The following ERH variants were observed in gnomAD, a reference collection of about 807,000 sequenced individuals.
ERH encodes the protein ERH mRNA splicing and mitosis factor, also known as enhancer of rudimentary homolog.
A neutral mutation model predicts 16.8 loss-of-function variants in ERH; 1 was observed. The observed-to-expected ratio is 0.06, with a 90% CI of 0.02 to 0.28. The LOEUF is 0.28. Ranked by LOEUF, ERH falls within the 10% of genes least tolerant of loss-of-function variation. The pLI, the probability that ERH is intolerant of heterozygous loss-of-function variation, is 1.00. For synonymous variants in ERH, 43 were observed against 43.6 expected, an observed-to-expected ratio of 0.99 and a Z score of 0.05; for missense variants, 42 against 127.5, an observed-to-expected ratio of 0.33 and a Z score of 3.23.
chr14:69,398,265 C>T lies in ERH; in HGVS notation c.-32G>A, dbSNP rs770131928. ...AAACTCTCTTCGCTACAGCAGCTGCCGACACCGCCGCCGTTACACGAGCTT... is the reference window on the plus strand; with the variant it reads ...AAACTCTCTTCGCTACAGCAGCTGCTGACACCGCCGCCGTTACACGAGCTT... On this transcript the variant is annotated 5_prime_UTR_variant, in exon 1 of 4. Coordinates refer to ENST00000557016, the MANE Select transcript of ERH (RefSeq NM_004450.3). 6 of 1,612,786 alleles carry T rather than the reference C, an allele frequency of 3.7e-6. No homozygotes were observed. Among genetic ancestry groups the T allele is most frequent in the Admixed American group, 3.3e-5 (2 of 59,918 alleles).
chr14:69,387,502 T>A (rs2045899558), intron 2 of ERH, among the ~76,000 whole-genome samples: 1 of 152,104 alleles, frequency 6.6e-6, no homozygotes, highest in African/African-American at 2.4e-5. Context: ...CGTGATTGCA[T>A]CACTGCACTC....
chr14:69,394,252 C>G (rs1882283817), intron 2 of ERH, among the ~76,000 whole-genome samples: 1 of 151,764 alleles, frequency 6.6e-6, no homozygotes, highest in Non-Finnish European at 1.5e-5. Context: ...AAACAACAAG[C>G]AGCTCTGGAA....
chr14:69,387,115 T>C (rs1323162321), intron 2 of ERH, 32 bp from the exon 3 acceptor site: 1 of 1,590,674 alleles, frequency 6.3e-7, no homozygotes, highest in African/African-American at 1.3e-5. Flanking sequence ...AGCAAAATCT[T>C]ACAATCGCAT....
chr14:69,384,237 T>C (rs1359413856), intron 3 of ERH, among the ~76,000 whole-genome samples: 3 of 152,212 alleles, frequency 2.0e-5, no homozygotes, highest in African/African-American at 7.2e-5. Flanking sequence ...TAAAACTCTA[T>C]CCTGACTTCT....
chr14:69,393,699 A>G (rs1310415756), intron 2 of ERH, among the ~76,000 whole-genome samples: 4 of 152,228 alleles, frequency 2.6e-5, no homozygotes, highest in African/African-American at 9.6e-5. Flanking sequence ...ACTACTGCGT[A>G]CAATGTACAC....
At chr14:69,397,761 TA>T (rs936077543) in intron 1 of ERH, among the ~76,000 whole-genome samples, 4 of 151,840 alleles carry the variant, frequency 2.6e-5, no homozygotes, top group Admixed American at 6.6e-5. Context: ...TCTGCTAAAA[TA>T]AAAAAATTAG....
chr14:69,392,813 T>C (rs1442715213), intron 2 of ERH, among the ~76,000 whole-genome samples: 1 of 152,190 alleles, frequency 6.6e-6, no homozygotes, highest in East Asian at 1.9e-4. Flanking sequence ...GGAAAAACTG[T>C]AGTTTCTGTT....
rs11545982 is a variant in ERH, at chr14:69,380,556, G to C, written c.297C>G (p.Ala99=). The change falls in exon 4 of 4, where the codon GCC becomes GCG. Residue 99 remains alanine (A), a synonymous_variant. Coordinates refer to ENST00000557016, the MANE Select transcript of ERH (RefSeq NM_004450.3). ...EKIYVLLRRQ[A]QQAGK is the part of the protein sequence containing the mutation. ...AACACAATTATTTCCCAGCCTGTTGGGCCTGCCGACGAAGGAGCACGTAGA... is the reference window on the plus strand; with the variant it reads ...AACACAATTATTTCCCAGCCTGTTGCGCCTGCCGACGAAGGAGCACGTAGA... The C allele has an allele frequency of 6.2e-7, 1 of 1,610,172 alleles. No homozygotes were observed. Among genetic ancestry groups the C allele is most frequent in the Admixed American group, 1.7e-5 (1 of 59,932 alleles).
chr14:69,390,214 C>G (rs1413970648), intron 2 of ERH, among the ~76,000 whole-genome samples: 1 of 151,396 alleles, frequency 6.6e-6, no homozygotes, highest in Non-Finnish European at 1.5e-5. Flanking sequence ...ACAAGCTAAT[C>G]CTAAGTTTGA....
In ERH at chr14:69,380,576, C is replaced by A; in HGVS notation, c.277G>T (p.Val93Leu). Residue 93 changes from valine (V) to leucine (L), a missense_variant, in exon 4 of 4, where the codon GTG becomes TTG. Physicochemically the swap from Val to Leu is conservative, Grantham distance 32. Coordinates refer to ENST00000557016, the MANE Select transcript of ERH (RefSeq NM_004450.3). ...TGTTGGGCCTGCCGACGAAGGAGCA[C>A]GTAGATCTTCTCTTTAATCCAGTCT... is the stretch of plus-strand genomic sequence containing the variant. ...NKDWIKEKIY[V>L]LLRRQAQQAG... is the part of the protein sequence containing the mutation. The A allele has an allele frequency of 6.2e-7, 1 of 1,607,880 alleles. No individual in the cohort carries two copies. Among genetic ancestry groups the A allele is most frequent in the Non-Finnish European group, 8.5e-7 (1 of 1,176,722 alleles).
chr14:69,388,138 T>A (rs1156460884), intron 2 of ERH, among the ~76,000 whole-genome samples: 1 of 152,176 alleles, frequency 6.6e-6, no homozygotes, highest in Non-Finnish European at 1.5e-5. Flanking sequence ...AACGACGCCA[T>A]TCCCTGAACC....
intron 3 of ERH, among the ~76,000 whole-genome samples, chr14:69,383,942 G>A (rs1451179435): frequency 1.3e-5 from 2 of 152,148 alleles, no homozygotes; most frequent in African/African-American, 4.8e-5. Flanking sequence ...GAGCCCAGGA[G>A]TTTGAGACCA....
intron 3 of ERH, among the ~76,000 whole-genome samples, chr14:69,384,607 A>G (rs2045880851): frequency 6.6e-6 from 1 of 152,228 alleles, no homozygotes; most frequent in African/African-American, 2.4e-5. Flanking sequence ...ATAAAACCAT[A>G]AAGACAACCA....
intron 1 of ERH, among the ~76,000 whole-genome samples, chr14:69,395,117 C>A (rs1335919856): frequency 6.6e-6 from 1 of 152,068 alleles, no homozygotes; most frequent in Admixed American, 6.6e-5. Flanking sequence ...AAGCTTGAGA[C>A]CAACCTGGGC....
At chr14:69,391,557 A>C (rs899924784) in intron 2 of ERH, among the ~76,000 whole-genome samples, 2 of 148,118 alleles carry the variant, frequency 1.4e-5, no homozygotes, top group African/African-American at 5.0e-5. Context: ...CTGAGGCAGG[A>C]GAATCGCTTG....
rs566360629 is a variant in ERH, at chr14:69,394,360, C to T, written c.91+465G>A. Among the ~76,000 whole-genome samples, 7 of 151,896 alleles carry T rather than the reference C, an allele frequency of 4.6e-5. No individual in the cohort carries two copies. The South Asian group carries it at 6.2e-4, about 14-fold the overall frequency. ...ATAATTAATGTTTAAAATGTTCAAC[C>T]GGCCAAGGCGGATTACTTGAGGTCA... On this transcript the variant is annotated intron_variant, in intron 2 of 3. Transcript: ENST00000557016.
At chr14:69,397,402 C>T (rs1478059496) in intron 1 of ERH, among the ~76,000 whole-genome samples, 1 of 149,278 alleles carries the variant, frequency 6.7e-6, no homozygotes, top group Non-Finnish European at 1.5e-5. Flanking sequence ...AGTACAGGAT[C>T]GAGGGCTGAG....
chr14:69,387,579 G>A (rs2140231016), intron 2 of ERH, among the ~76,000 whole-genome samples: 1 of 151,584 alleles, frequency 6.6e-6, no homozygotes, highest in East Asian at 1.9e-4. Flanking sequence ...ATAATAAAAT[G>A]ATTACTTCAA....
chr14:69,396,234 C>T (rs1384434048), intron 1 of ERH, among the ~76,000 whole-genome samples: 2 of 152,246 alleles, frequency 1.3e-5, no homozygotes, highest in Non-Finnish European at 2.9e-5. Context: ...ACAAAAATTT[C>T]CTAACAGGAA....
Sources: allele counts gnomAD v4.1 joint callset (sites outside exome capture counted in the v4.1 genomes callset), GRCh38; gene constraint gnomAD v4.1.1; transcripts MANE v1.5; gene names NCBI Gene and HGNC (gene_info 2026-07-23, HGNC 2026-07-21).